LYST: variants seen among roughly 807,000 people sequenced by gnomAD.
LYST encodes lysosomal trafficking regulator.
A neutral mutation model predicts 413.6 loss-of-function variants in LYST; 192 were observed. The observed-to-expected ratio is 0.46, with a 90% CI of 0.41 to 0.52. The LOEUF (loss-of-function observed/expected upper bound fraction) is 0.52. Among genes scored for constraint, LYST ranks in the 20% least tolerant of loss-of-function variants. The probability of loss-of-function intolerance (pLI) is 0.00; values close to 1 mark genes in which losing one functional copy is unlikely to be tolerated. For synonymous variants in LYST, 1,525 were observed against 1,567.3 expected (o/e 0.97, Z 0.64); for missense variants, 3,815 against 4,499.9 (o/e 0.85, Z 4.35).
chr1:235,690,286 T>C (rs1369808642), intron 47 of LYST, among the ~76,000 whole-genome samples: 1 of 152,186 alleles, frequency 6.6e-6, no homozygotes, highest in Non-Finnish European at 1.5e-5. Context: ...ACTGTACATA[T>C]TTGTCTGTTT....
At chr1:235,684,131 G>C (rs2103051358) in intron 48 of LYST, among the ~76,000 whole-genome samples, 1 of 152,228 alleles carries the variant, frequency 6.6e-6, no homozygotes, top group East Asian at 1.9e-4. Flanking sequence ...AAAACTAAAA[G>C]AAATGTATGT....
At chr1:235,785,315 T>C (rs1670305559) in intron 14 of LYST, among the ~76,000 whole-genome samples, 1 of 152,230 alleles carries the variant, frequency 6.6e-6, no homozygotes, top group African/African-American at 2.4e-5. Context: ...TTTGTAAATA[T>C]TCATTTAATT....
chr1:235,837,624 CAAAAA>C (rs34107122), intron 1 of LYST, among the ~76,000 whole-genome samples: 1 of 121,458 alleles, frequency 8.2e-6, no homozygotes, highest in Admixed American at 8.8e-5. Context: ...GACCCTGTTT[CAAAAA>C]AAAAAAAAAA....
chr1:235,760,047 G>C (rs1207019370), intron 22 of LYST, among the ~76,000 whole-genome samples: 4 of 152,030 alleles, frequency 2.6e-5, no homozygotes, highest in Admixed American at 2.6e-4. Context: ...AAAGTCATTA[G>C]GATTAATGGT....
Position 235,697,136 on chromosome 1 carries a change from A to G in LYST, c.10511T>C (p.Ile3504Thr). Reference sequence around the variant, plus strand: ...ACAGAAATTCCGTGACAAACCACAGATTGCTCTGGTGGGCAGAGCCTGGAG... The same window carrying G: ...ACAGAAATTCCGTGACAAACCACAGGTTGCTCTGGTGGGCAGAGCCTGGAG... ...GSLQALPTRA[I>T]CGLSRNFCLL... Residue 3504 changes from isoleucine to threonine, a missense_variant, in exon 46 of 53, where the codon ATC becomes ACC. Physicochemically the swap from Ile to Thr is moderately conservative, Grantham distance 89 (BLOSUM62 -1). This residue lies in a region of LYST where 866 missense variants were observed against 1,156.0 expected (regional missense o/e 0.75). Transcript: ENST00000389793. 1 of 1,614,164 alleles carries G rather than the reference A, an allele frequency of 6.2e-7. No individual in the cohort carries two copies. Among genetic ancestry groups the G allele is most frequent in the Non-Finnish European group, 8.5e-7 (1 of 1,179,984 alleles).
intron 38 of LYST, 58 bp downstream of exon 38, chr1:235,728,018 G>T: frequency 1.7e-6 from 2 of 1,185,868 alleles, no homozygotes; most frequent in South Asian, 2.4e-5. Context: ...ATACTGAATT[G>T]ATACATTTTT....
chr1:235,705,029 C>T (rs1271253434), intron 44 of LYST, among the ~76,000 whole-genome samples: 1 of 152,172 alleles, frequency 6.6e-6, no homozygotes, highest in East Asian at 1.9e-4. Flanking sequence ...TTTATTTGTG[C>T]TTAATTGTGT....
At chr1:235,681,256 T>C (rs1440952564) in intron 48 of LYST, among the ~76,000 whole-genome samples, 1 of 152,048 alleles carries the variant, frequency 6.6e-6, no homozygotes, top group Admixed American at 6.5e-5. Flanking sequence ...GAAGACAGCA[T>C]GTGTGAGGGA....
chr1:235,727,001 T>C (rs1000088535), intron 38 of LYST, among the ~76,000 whole-genome samples: 4 of 152,220 alleles, frequency 2.6e-5, no homozygotes, highest in Non-Finnish European at 4.4e-5. Flanking sequence ...CTGTGGTAAT[T>C]GCTATATAAA....
intron 21 of LYST, among the ~76,000 whole-genome samples, chr1:235,764,782 C>G (rs1380175392): frequency 1.3e-5 from 2 of 152,014 alleles, no homozygotes; most frequent in East Asian, 1.9e-4. Context: ...GGATTACAGG[C>G]GTGAGCCACC....
rs61738992 is a variant in LYST, at chr1:235,755,570, T to A, written c.7137A>T (p.Leu2379=). The A allele has an allele frequency of 1.2e-6, 2 of 1,613,348 alleles. No individual in the cohort carries two copies. The highest frequency in any genetic ancestry group is 3.3e-5 in the Admixed American group (2 of 60,002). Residue 2379 remains leucine, a synonymous_variant, in exon 25 of 53, where the codon CTA becomes CTT. Coordinates refer to ENST00000389793, the MANE Select transcript of LYST (RefSeq NM_000081.4). ...KFLKNRGFSL[L]ANQLYLHRGT... ...CTCGATGAAGATACAACTGGTTGGC[T>A]AGCAAGGAAAATCCACGATTCTTCA...
chr1:235,831,662 G>A (rs1285557083), intron 2 of LYST, among the ~76,000 whole-genome samples: 2 of 152,202 alleles, frequency 1.3e-5, no homozygotes, highest in African/African-American at 4.8e-5. Context: ...AGGTATTACA[G>A]TAACTCTCTT....
rs2103117121 is a variant in LYST at position 235,854,193 on chromosome 1, AG to A, written c.-98+12649del. Among the ~76,000 whole-genome samples the A allele has an allele frequency of 6.6e-6, 1 of 152,312 alleles. No homozygotes were observed. The highest frequency in any genetic ancestry group is 2.4e-5 in the African/African-American group (1 of 41,564). On this transcript the variant is annotated intron_variant, in intron 1 of 52. Coordinates refer to ENST00000389793, the MANE Select transcript of LYST (RefSeq NM_000081.4). The surrounding 1 kb of genome is among the most constrained non-coding windows in gnomAD (Gnocchi z 4.1). Reference sequence around the variant, plus strand: ...CATCAGGCACTATTGTAAGCACTCTAGGTAAGTAGAGTAGTTAGTTTAATCC... The same window carrying A: ...CATCAGGCACTATTGTAAGCACTCTAGTAAGTAGAGTAGTTAGTTTAATCC...
Position 235,672,801 on chromosome 1 carries a change from C to T in LYST, c.11038+4290G>A, listed in dbSNP as rs188904941. 1.4e-4 allele frequency among the ~76,000 whole-genome samples: 22 copies of T among 152,290 alleles called. No individual in the cohort carries two copies. The East Asian group carries it at 4.2e-3, about 29-fold the overall frequency. On this transcript the variant is annotated intron_variant, in intron 50 of 52. Transcript: ENST00000389793. Reference sequence around the variant, plus strand: ...CACTAGAAAGATATCGGCTTATCCCCGTATAAAATGCTTTATAGGTTGCCT... The same window carrying T: ...CACTAGAAAGATATCGGCTTATCCCTGTATAAAATGCTTTATAGGTTGCCT...
chr1:235,677,662 A>G (rs1178763104), intron 48 of LYST, 43 bp from the exon 49 acceptor site: 1 of 1,488,240 alleles, frequency 6.7e-7, no homozygotes, highest in East Asian at 2.3e-5. Context: ...CCACAACAAA[A>G]AGTACTCTAG....
chr1:235,732,404 G>C (rs182737610), intron 34 of LYST, among the ~76,000 whole-genome samples: 183 of 152,236 alleles, frequency 1.2e-3, no homozygotes, highest in African/African-American at 4.3e-3. Flanking sequence ...CTGGGCTCAA[G>C]TGATCCTCCC....
intron 46 of LYST, among the ~76,000 whole-genome samples, chr1:235,695,771 T>A (rs1216071374): frequency 6.6e-6 from 1 of 151,730 alleles, no homozygotes; most frequent in Non-Finnish European, 1.5e-5. Flanking sequence ...TAGCTGGGAC[T>A]ACAGGAGCCC....
intron 1 of LYST, among the ~76,000 whole-genome samples, chr1:235,856,799 G>C (rs1397154787): frequency 6.6e-6 from 1 of 152,076 alleles, no homozygotes; most frequent in Non-Finnish European, 1.5e-5. Context: ...TCAGGAAATG[G>C]CAAAAGATTT....
intron 1 of LYST, among the ~76,000 whole-genome samples, chr1:235,845,121 T>A (rs941088928): frequency 3.3e-5 from 5 of 152,138 alleles, no homozygotes; most frequent in African/African-American, 9.7e-5. Context: ...GGAAGCGGAT[T>A]GCTCCTGCAG....
Sources: allele counts gnomAD v4.1 joint callset (sites outside exome capture counted in the v4.1 genomes callset), GRCh38; gene constraint gnomAD v4.1.1; regional missense constraint gnomAD v4.1.1; non-coding constraint Gnocchi (gnomAD v3.1); transcripts MANE v1.5; gene names NCBI Gene and HGNC (gene_info 2026-07-23, HGNC 2026-07-21).